The following MMP1 variants were observed in gnomAD, a reference collection of about 807,000 sequenced individuals.
MMP1 encodes matrix metallopeptidase 1.
MMP1 carries 51 observed loss-of-function variants against 49.6 expected under a neutral mutation model. The observed-to-expected ratio is 1.03, with a 90% CI of 0.82 to 1.30. MMP1 has a LOEUF of 1.30. Among genes scored for constraint, MMP1 ranks in the 50% most tolerant of loss-of-function variants. The pLI is 0.00. For missense variants in MMP1, 623 were observed against 568.7 expected (o/e 1.10, Z -0.97); for synonymous variants, 230 against 196.8 (o/e 1.17, Z -1.41).
At position 102,790,750 on chromosome 11, in the gene MMP1, T is replaced by C; in HGVS notation, c.1253A>G (p.Asp418Gly). ...DPGYPKMIAHDFPGIGHKVDA... is the reference protein window; with the variant it reads ...DPGYPKMIAHGFPGIGHKVDA... ...AACTTTGTGGCCAATTCCAGGAAAGTCATGTGCTATCATTTTGGGATAACC... is the reference window on the plus strand; with the variant it reads ...AACTTTGTGGCCAATTCCAGGAAAGCCATGTGCTATCATTTTGGGATAACC... The change falls in exon 9 of 10, where the codon GAC (aspartate) becomes GGC (glycine). Residue 418 changes from aspartate to glycine, a missense_variant. Coordinates refer to ENST00000315274, the MANE Select transcript of MMP1 (RefSeq NM_002421.4). 3 of 1,613,640 alleles carry C rather than the reference T, an allele frequency of 1.9e-6. No individual in the cohort carries two copies. Among genetic ancestry groups the C allele is most frequent in the Non-Finnish European group, 2.5e-6 (3 of 1,179,616 alleles).
At chr11:102,797,871 G>C in intron 1 of MMP1, 117 bp downstream of exon 1, 1 of 605,788 alleles carries the variant, frequency 1.7e-6, no homozygotes, top group South Asian at 2.3e-5. Flanking sequence ...GCTGTTTCTA[G>C]CAAAAAAAAA....
chr11:102,794,389 A>G lies in MMP1; in HGVS notation c.899+785T>C, dbSNP rs573101937. 1.1e-4 allele frequency among the ~76,000 whole-genome samples: 16 copies of G among 152,200 alleles called. No homozygotes were observed. The highest frequency in any genetic ancestry group is 3.9e-4 in the African/African-American group (16 of 41,450). ...AAATGCGGTGTGCAATAACACACCA[A>G]AAGAGTGTGTTATTATTTTGCCTGA... On this transcript the variant is annotated intron_variant, in intron 6 of 9. Coordinates refer to ENST00000315274, the MANE Select transcript of MMP1 (RefSeq NM_002421.4). This position sits in a 1 kb window ranked among gnomAD's most constrained non-coding sequence, Gnocchi z 4.3.
intron 8 of MMP1, 55 bp downstream of exon 8, chr11:102,791,278 G>T (rs1858021652): frequency 1.9e-6 from 3 of 1,599,086 alleles, no homozygotes; most frequent in African/African-American, 1.3e-5. Flanking sequence ...GGCTATTCTA[G>T]AACTTTTTAT....
chr11:102,797,023 C>A lies in MMP1; in HGVS notation c.490G>T (p.Val164Phe), dbSNP rs777005404. The A allele has an allele frequency of 7.4e-6, 12 of 1,612,764 alleles. No individual in the cohort carries two copies. Among genetic ancestry groups the A allele is most frequent in the Non-Finnish European group, 1.0e-5 (12 of 1,179,282 alleles). Residue 164 changes from valine to phenylalanine, a missense_variant, in exon 3 of 10, where the codon GTC becomes TTC. Coordinates refer to ENST00000315274, the MANE Select transcript of MMP1 (RefSeq NM_002421.4). ...EGQADIMISF[V>F]RGDHRDNSPF... The stretch of plus-strand genomic sequence containing the variant: ...TATAAGAAGAACTTACCTCCCCTGA[C>A]AAAAGATATCATGATGTCTGCTTGA...
intron 1 of MMP1, 108 bp downstream of exon 1, chr11:102,797,880 A>T (rs1287713271): frequency 5.8e-6 from 5 of 859,382 alleles, no homozygotes; most frequent in Non-Finnish European, 8.7e-6. Flanking sequence ...AGCAAAAAAA[A>T]AAAAAATCTC....
chr11:102,790,817 A>G lies in MMP1; in HGVS notation c.1197-11T>C. On this transcript the variant is annotated splice_polypyrimidine_tract_variant and intron_variant, in intron 8 of 9. Transcript: ENST00000315274. The stretch of plus-strand genomic sequence containing the variant: ...TTATATTCATCATACCTGGTCAGAA[A>G]AGAGTTAAGAGTGTCAGACCTTTTG... The G allele has an allele frequency of 1.4e-6, 2 of 1,467,112 alleles. No homozygotes were observed. Among genetic ancestry groups the G allele is most frequent in the Non-Finnish European group, 1.9e-6 (2 of 1,047,886 alleles). 90.9% of individuals were successfully genotyped at this position (1,467,112 alleles called of 1,614,324 possible).
At chr11:102,796,488 T>C (rs1858194508) in intron 4 of MMP1, among the ~76,000 whole-genome samples, 176 bp downstream of exon 4, 1 of 152,248 alleles carries the variant, frequency 6.6e-6, no homozygotes, top group Non-Finnish European at 1.5e-5. Flanking sequence ...TGCTAAGATG[T>C]TGTTAGCTAG....
Position 102,797,009 on chromosome 11 carries a change from C to T in MMP1, c.499+5G>A. The T allele has an allele frequency of 1.2e-6, 2 of 1,611,038 alleles. No individual in the cohort carries two copies. Among genetic ancestry groups the T allele is most frequent in the Non-Finnish European group, 1.7e-6 (2 of 1,178,090 alleles). On this transcript the variant is annotated splice_donor_5th_base_variant and intron_variant, in intron 3 of 9. Coordinates refer to ENST00000315274, the MANE Select transcript of MMP1 (RefSeq NM_002421.4). ...TGAGGTTAAGGTGCTATAAGAAGAA[C>T]TTACCTCCCCTGACAAAAGATATCA...
rs1395756839 is a variant in MMP1 at position 102,791,457 on chromosome 11, G to A, written c.1072C>T (p.His358Tyr). 6.2e-7 allele frequency: 1 copy of A among 1,614,006 alleles called. No individual in the cohort carries two copies. The highest frequency in any genetic ancestry group is 1.3e-5 in the African/African-American group (1 of 75,044). The change falls in exon 8 of 10, where the codon CAC (histidine) becomes TAC (tyrosine). Residue 358 changes from histidine to tyrosine, a missense_variant. Physicochemically the swap from His to Tyr is moderately conservative, Grantham distance 83. Coordinates refer to ENST00000315274, the MANE Select transcript of MMP1 (RefSeq NM_002421.4). ...YWAVQGQNVLHGYPKDIYSSF... is the reference protein window; with the variant it reads ...YWAVQGQNVLYGYPKDIYSSF... ...CTGTAGATGTCCTTGGGGTATCCGT[G>A]TAGCACATTCTGTCCCTGAACAGCC...
Position 102,796,755 on chromosome 11 carries a change from T to A in MMP1, c.534A>T (p.Gly178=). The A allele has an allele frequency of 6.2e-7, 1 of 1,613,850 alleles. No homozygotes were observed. Among genetic ancestry groups the A allele is most frequent in the South Asian group, 1.1e-5 (1 of 90,980 alleles). The change falls in exon 4 of 10, where the codon GGA becomes GGT. Residue 178 remains glycine, a synonymous_variant. Coordinates refer to ENST00000315274, the MANE Select transcript of MMP1 (RefSeq NM_002421.4). ...GTTGAAAAGCATGAGCAAGATTTCCTCCAGGTCCATCAAAAGGAGAGTTGT... is the reference window on the plus strand; with the variant it reads ...GTTGAAAAGCATGAGCAAGATTTCCACCAGGTCCATCAAAAGGAGAGTTGT... ...HRDNSPFDGP[G]GNLAHAFQPG... is the part of the protein sequence containing the mutation.
rs765465983 is a variant in MMP1 at position 102,797,488 on chromosome 11, T to C, written c.118A>G (p.Lys40Glu). The C allele has an allele frequency of 6.2e-6, 10 of 1,613,680 alleles. No homozygotes were observed. The African/African-American group carries it at 1.1e-4, about 17-fold the overall frequency. The change falls in exon 2 of 10, where the codon AAA (lysine) becomes GAA (glutamate). Residue 40 changes from lysine to glutamate, a missense_variant. By Grantham distance (56) the Lys-to-Glu change is moderately conservative. Transcript: ENST00000315274. The part of the protein sequence containing the change: ...DVDLVQKYLE[K>E]YYNLKNDGRQ... ...CCATCATTCTTCAGGTTGTAGTATTTTTCCAGGTATTTCTGACAAAAGAAA... is the reference window on the plus strand; with the variant it reads ...CCATCATTCTTCAGGTTGTAGTATTCTTCCAGGTATTTCTGACAAAAGAAA...
At position 102,791,478 on chromosome 11, in the gene MMP1, C is replaced by T. The variant is rs1370114637; in HGVS notation, c.1051G>A (p.Val351Ile). The T allele has an allele frequency of 6.2e-7, 1 of 1,613,610 alleles. No homozygotes were observed. The highest frequency in any genetic ancestry group is 1.3e-5 in the African/African-American group (1 of 75,046). ...RFFKGNKYWA[V>I]QGQNVLHGYP... ...CCGTGTAGCACATTCTGTCCCTGAA[C>T]AGCCCAGTACTTATTCCCTGCCAAT... The change falls in exon 8 of 10, where the codon GTT becomes ATT. Residue 351 changes from valine to isoleucine, a missense_variant. Val to Ile is a conservative substitution (Grantham distance 29). Transcript: ENST00000315274.
At chr11:102,791,249 T>G in intron 8 of MMP1, 84 bp downstream of exon 8, 2 of 1,475,042 alleles carry the variant, frequency 1.4e-6, no homozygotes, top group Non-Finnish European at 1.9e-6. Context: ...CAAGGCAGTT[T>G]GAGACTCACT....
chr11:102,795,100 C>G, intron 6 of MMP1, 74 bp downstream of exon 6: 7 of 1,148,412 alleles, frequency 6.1e-6, no homozygotes, highest in Non-Finnish European at 9.2e-6. Flanking sequence ...ACATGTGAAG[C>G]ATAATAGTTA....
In MMP1 at chr11:102,794,835, G is replaced by A. The variant is rs1858136061; in HGVS notation, c.899+339C>T. Reference sequence around the variant, plus strand: ...ATAATGAAAAGAGACCTGAAATAGGGAACAGAAGACCAATAACTGCTCTGC... The same window carrying A: ...ATAATGAAAAGAGACCTGAAATAGGAAACAGAAGACCAATAACTGCTCTGC... On this transcript the variant is annotated intron_variant, in intron 6 of 9. Coordinates refer to ENST00000315274, the MANE Select transcript of MMP1 (RefSeq NM_002421.4). This position sits in a 1 kb window ranked among gnomAD's most constrained non-coding sequence, Gnocchi z 4.3. Among the ~76,000 whole-genome samples the A allele has an allele frequency of 6.6e-6, 1 of 152,136 alleles. No individual in the cohort carries two copies. Among genetic ancestry groups the A allele is most frequent in the African/African-American group, 2.4e-5 (1 of 41,430 alleles).
At chr11:102,792,967 A>T (rs1046404538) in intron 6 of MMP1, among the ~76,000 whole-genome samples, 2 of 152,252 alleles carry the variant, frequency 1.3e-5, no homozygotes, top group African/African-American at 4.8e-5. Flanking sequence ...TGTATAGCAT[A>T]CAAATAAAAT....
intron 4 of MMP1, 139 bp from the exon 5 acceptor site, chr11:102,795,746 T>C: frequency 1.4e-6 from 1 of 700,180 alleles, no homozygotes; most frequent in Non-Finnish European, 2.2e-6. Context: ...CATGTATATC[T>C]TTTTTCCGAA....
intron 1 of MMP1, 81 bp from the exon 2 acceptor site, chr11:102,797,581 A>G (rs1036456130): frequency 1.3e-6 from 2 of 1,535,548 alleles, no homozygotes; most frequent in African/African-American, 1.4e-5. Flanking sequence ...AGTTTTAGCC[A>G]AAACAGAGAA....
chr11:102,790,811 TC>T lies in MMP1; in HGVS notation c.1197-6del, dbSNP rs1858007626. 6.4e-7 allele frequency: 1 copy of T among 1,554,982 alleles called. No individual in the cohort carries two copies. The highest frequency in any genetic ancestry group is 1.4e-5 in the African/African-American group (1 of 73,722). On this transcript the variant is annotated splice_polypyrimidine_tract_variant and splice_region_variant and intron_variant, in intron 8 of 9. Coordinates refer to ENST00000315274, the MANE Select transcript of MMP1 (RefSeq NM_002421.4). ...GATCGTTTATATTCATCATACCTGG[TC>T]AGAAAAGAGTTAAGAGTGTCAGACC...
Sources: gnomAD v4.1 joint callset for allele counts (sites outside exome capture counted in the v4.1 genomes callset) on GRCh38, gnomAD v4.1.1 for gene constraint, Gnocchi (gnomAD v3.1) non-coding constraint, MANE v1.5 for transcripts, NCBI Gene and HGNC (gene_info 2026-07-23, HGNC 2026-07-21) for gene names.